GRM5: variants seen among roughly 807,000 people sequenced by gnomAD.
GRM5 encodes metabotropic glutamate receptor 5.
In GRM5, 19 loss-of-function variants were observed where a neutral mutation model predicts 83.1. That is an observed-to-expected ratio of 0.23 (90% CI 0.16 to 0.34). The LOEUF (loss-of-function observed/expected upper bound fraction) is 0.34. Among genes scored for constraint, GRM5 ranks in the 10% least tolerant of loss-of-function variants. The probability of loss-of-function intolerance (pLI) is 1.00; values close to 1 mark genes in which losing one functional copy is unlikely to be tolerated. For missense variants in GRM5, 1,160 were observed against 1,588.3 expected (o/e 0.73, Z 4.58); for synonymous variants, 675 against 633.6 (o/e 1.07, Z -0.98).
chr11:88,826,105 G>A (rs984585663), intron 3 of GRM5, among the ~76,000 whole-genome samples: 6 of 152,012 alleles, frequency 3.9e-5, no homozygotes, highest in Non-Finnish European at 8.8e-5. Flanking sequence ...GAACAAATGC[G>A]GGAGGTCTTG....
At chr11:89,055,122 C>T (rs1410064070) in intron 1 of GRM5, among the ~76,000 whole-genome samples, 2 of 152,192 alleles carry the variant, frequency 1.3e-5, no homozygotes, top group Non-Finnish European at 2.9e-5. Flanking sequence ...TGGCTTTGCA[C>T]ATGCTGCTTC....
chr11:88,842,265 C>A (rs1412722727), intron 3 of GRM5, among the ~76,000 whole-genome samples: 1 of 152,008 alleles, frequency 6.6e-6, no homozygotes, highest in African/African-American at 2.4e-5. Flanking sequence ...TATTGCAAAT[C>A]TCAAAAATAA....
In GRM5 at chr11:88,671,965, A is replaced by G. The variant is rs181716473; in HGVS notation, c.912-18562T>C. On this transcript the variant is annotated intron_variant, in intron 3 of 9. Coordinates refer to ENST00000305447, the MANE Select transcript of GRM5 (RefSeq NM_001143831.3). ...TAAAATATTTTTATTTAAACAGAAA[A>G]CTTAAAATTTAATTTCTGATTAGTC... Among the ~76,000 whole-genome samples, 527 of 152,192 alleles carry G rather than the reference A, an allele frequency of 3.5e-3. 2 individuals are homozygous for G. Among genetic ancestry groups the G allele is most frequent in the African/African-American group, 0.012 (507 of 41,570 alleles).
chr11:88,967,296 T>C (rs1939016944), intron 2 of GRM5, among the ~76,000 whole-genome samples: 1 of 149,022 alleles, frequency 6.7e-6, no homozygotes, highest in Admixed American at 6.7e-5. Flanking sequence ...TGAAGAGTAT[T>C]TCATCTATTA....
chr11:88,880,063 A>G (rs565789566), intron 2 of GRM5, among the ~76,000 whole-genome samples: 1 of 152,182 alleles, frequency 6.6e-6, no homozygotes, highest in South Asian at 2.1e-4. Flanking sequence ...ACTGGAGAGG[A>G]GATGGTATGA....
At chr11:88,932,168 A>G (rs1937730785) in intron 2 of GRM5, among the ~76,000 whole-genome samples, 1 of 152,060 alleles carries the variant, frequency 6.6e-6, no homozygotes, top group Non-Finnish European at 1.5e-5. Context: ...CCTGTTTTCT[A>G]TTTTTTATCT....
chr11:88,885,900 T>A (rs961309334), intron 2 of GRM5, among the ~76,000 whole-genome samples: 4 of 152,142 alleles, frequency 2.6e-5, no homozygotes, highest in African/African-American at 9.7e-5. Flanking sequence ...ATTTTCAAGA[T>A]GGCAGCTCCA....
chr11:88,668,297 GCA>G (rs72052705), intron 3 of GRM5, among the ~76,000 whole-genome samples: 7,853 of 129,962 alleles, frequency 0.06, 330 homozygotes, highest in East Asian at 0.2. Context: ...CCAGAAACTC[GCA>G]CACACACACA....
At chr11:88,827,367 A>G (rs1943910561) in intron 3 of GRM5, among the ~76,000 whole-genome samples, 1 of 152,152 alleles carries the variant, frequency 6.6e-6, no homozygotes, top group South Asian at 2.1e-4. Context: ...ATGCATACTC[A>G]TATTTCACAG....
At chr11:88,720,073 C>T (rs575725840) in intron 3 of GRM5, among the ~76,000 whole-genome samples, 85 of 152,010 alleles carry the variant, frequency 5.6e-4, no homozygotes, top group African/African-American at 1.9e-3. Flanking sequence ...TTGCTTGACT[C>T]TCTTCCCTAA....
chr11:88,871,814 C>T (rs183373976), intron 2 of GRM5, among the ~76,000 whole-genome samples: 34 of 151,452 alleles, frequency 2.2e-4, no homozygotes, highest in African/African-American at 8.0e-4. Flanking sequence ...AACTACATAA[C>T]TTATTAAAGT....
chr11:88,935,051 T>C (rs586488), intron 2 of GRM5, among the ~76,000 whole-genome samples: 1 of 151,626 alleles, frequency 6.6e-6, no homozygotes, highest in African/African-American at 2.4e-5. Flanking sequence ...AATTCTCACA[T>C]GAACACTATA....
intron 3 of GRM5, among the ~76,000 whole-genome samples, chr11:88,724,166 A>G (rs1171444922): frequency 6.6e-6 from 1 of 152,120 alleles, no homozygotes; most frequent in Admixed American, 6.6e-5. Context: ...ACTCATCTCT[A>G]TTGGCTGCCT....
intron 2 of GRM5, among the ~76,000 whole-genome samples, chr11:89,001,972 A>G (rs1940396548): frequency 6.6e-6 from 1 of 152,176 alleles, no homozygotes; most frequent in Admixed American, 6.6e-5. Context: ...TACTTATACT[A>G]AAACAAAAAG....
At chr11:88,955,653 C>A (rs1375703196) in intron 2 of GRM5, among the ~76,000 whole-genome samples, 1 of 152,162 alleles carries the variant, frequency 6.6e-6, no homozygotes, top group Non-Finnish European at 1.5e-5. Context: ...CCAAATGTAT[C>A]CTGAACTTTC....
At chr11:88,602,995 A>G (rs949732387) in intron 5 of GRM5, among the ~76,000 whole-genome samples, 11 of 152,292 alleles carry the variant, frequency 7.2e-5, no homozygotes, top group Middle Eastern at 3.4e-3. Flanking sequence ...TAATTTATTC[A>G]TGGGTTAATG....
At chr11:88,734,365 T>C (rs1941867263) in intron 3 of GRM5, among the ~76,000 whole-genome samples, 1 of 151,970 alleles carries the variant, frequency 6.6e-6, no homozygotes, top group Non-Finnish European at 1.5e-5. Context: ...TTAGACCCCT[T>C]GTACACTGTT....
Position 88,708,182 on chromosome 11 carries a change from A to C in GRM5, c.912-54779T>G, listed in dbSNP as rs954808834. On this transcript the variant is annotated intron_variant, in intron 3 of 9. Transcript: ENST00000305447. ...GATGACAAGAAAAGAGTGATTAAGC[A>C]GATACTCCTGCTTGCCAACATGTTG... Among the ~76,000 whole-genome samples the C allele has an allele frequency of 2.6e-5, 4 of 152,234 alleles. No homozygotes were observed. In the South Asian group the frequency reaches 8.3e-4, roughly 32 times the overall value.
intron 2 of GRM5, among the ~76,000 whole-genome samples, chr11:88,963,696 T>C (rs759784457): frequency 2.8e-4 from 43 of 152,308 alleles, no homozygotes; most frequent in Non-Finnish European, 5.7e-4. Context: ...TTTCTTAATT[T>C]GGATGTTTTA....
Sources: gnomAD v4.1 joint callset for allele counts (sites outside exome capture counted in the v4.1 genomes callset) on GRCh38, gnomAD v4.1.1 for gene constraint, MANE v1.5 for transcripts, NCBI Gene and HGNC (gene_info 2026-07-23, HGNC 2026-07-21) for gene names.